The following FANCC variants were observed in gnomAD, a reference collection of about 807,000 sequenced individuals.
FANCC encodes FA complementation group C, also known as Fanconi anemia group C protein.
In FANCC, 55 loss-of-function variants were observed where a neutral mutation model predicts 71.3. That is an observed-to-expected ratio of 0.77 (90% CI 0.62 to 0.97). The LOEUF (loss-of-function observed/expected upper bound fraction) is 0.97. Ranked by LOEUF, FANCC falls within the 50% of genes least tolerant of loss-of-function variation. The probability of loss-of-function intolerance (pLI) is 0.00; values close to 1 mark genes in which losing one functional copy is unlikely to be tolerated. For missense variants in FANCC, 678 were observed against 670.9 expected, an observed-to-expected ratio of 1.01 and a Z score of -0.12; for synonymous variants, 275 against 244.9, an observed-to-expected ratio of 1.12 and a Z score of -1.15.
At chr9:95,189,967 T>C (rs1035959282) in intron 4 of FANCC, among the ~76,000 whole-genome samples, 5 of 152,192 alleles carry the variant, frequency 3.3e-5, no homozygotes, top group Non-Finnish European at 7.4e-5. Context: ...CACAATCTTC[T>C]TATGCATCCT....
chr9:95,135,355 A>G lies in FANCC; in HGVS notation c.834T>C (p.Asp278=), dbSNP rs1259273920. 1 of 1,614,022 alleles carries G rather than the reference A, an allele frequency of 6.2e-7. No individual in the cohort carries two copies. The highest frequency in any genetic ancestry group is 8.5e-7 in the Non-Finnish European group (1 of 1,179,990). The change falls in exon 8 of 15, where the codon GAT becomes GAC. Residue 278 remains aspartate, a synonymous_variant. Coordinates refer to ENST00000289081, the MANE Select transcript of FANCC (RefSeq NM_000136.3). ...AAAACCCAGTACGTACCAGCGATGA[A>G]TCTTTTATAAAGCATTCGATCCTTC... The part of the protein sequence containing the change: ...CLRRIECFIK[D]SSLPQAACHP...
intron 1 of FANCC, among the ~76,000 whole-genome samples, chr9:95,285,962 A>C (rs1176993008): frequency 2.6e-5 from 4 of 152,242 alleles, no homozygotes; most frequent in Non-Finnish European, 5.9e-5. Flanking sequence ...GCAATGAATT[A>C]TATAATTTGT....
chr9:95,129,872 T>C (rs1482826659), intron 8 of FANCC, among the ~76,000 whole-genome samples: 1 of 152,162 alleles, frequency 6.6e-6, no homozygotes, highest in African/African-American at 2.4e-5. Flanking sequence ...TAGACCCGAT[T>C]GTTCTGCTGG....
rs1344246049 is a variant in FANCC at position 95,099,730 on chromosome 9, C to T, written c.*1977G>A. The T allele has an allele frequency of 3.4e-5, 8 of 232,366 alleles. No homozygotes were observed. Among genetic ancestry groups the T allele is most frequent in the African/African-American group, 1.3e-4 (6 of 45,294 alleles). 14.4% of individuals were successfully genotyped at this position (232,366 alleles called of 1,614,324 possible). A position where few individuals can be genotyped will look rare whatever the true frequency, so the allele number is the denominator to read the frequency against. ...CCCCTGGCTGCCCAGAAAGCACCAC[C>T]GGCAAGGCCGCCTCCACCGCACCCG... On this transcript the variant is annotated 3_prime_UTR_variant, in exon 15 of 15. Transcript: ENST00000289081.
intron 6 of FANCC, among the ~76,000 whole-genome samples, chr9:95,165,547 A>G (rs765739639): frequency 2.0e-4 from 31 of 151,774 alleles, no homozygotes; most frequent in Non-Finnish European, 4.3e-4. Flanking sequence ...TCTTTGACTC[A>G]CTGGTTGTTT....
intron 1 of FANCC, among the ~76,000 whole-genome samples, chr9:95,252,286 A>G (rs1309098612): frequency 6.7e-6 from 1 of 149,232 alleles, no homozygotes; most frequent in East Asian, 1.9e-4. Flanking sequence ...AAAAAAAAAA[A>G]AAAAAAAAGA....
chr9:95,210,730 T>C (rs576222872), intron 4 of FANCC, among the ~76,000 whole-genome samples: 9 of 152,298 alleles, frequency 5.9e-5, no homozygotes, highest in Admixed American at 4.6e-4. Flanking sequence ...ATTCCAAAAT[T>C]CAGTCTCAAT....
At position 95,101,310 on chromosome 9, in the gene FANCC, C is replaced by T. The variant is rs2071065141; in HGVS notation, c.*397G>A. 1 of 337,764 alleles carries T rather than the reference C, an allele frequency of 3.0e-6. No individual in the cohort carries two copies. The highest frequency in any genetic ancestry group is 5.5e-6 in the Non-Finnish European group (1 of 180,556). The allele number at this position is 337,764 out of a possible 1,614,324, so 20.9% of individuals were successfully genotyped here. A position where few individuals can be genotyped will look rare whatever the true frequency, so the allele number is the denominator to read the frequency against. On this transcript the variant is annotated 3_prime_UTR_variant, in exon 15 of 15. Transcript: ENST00000289081. ...AAAAGAGCTAAGTTCTCTCTAAATT[C>T]TTTAATGGTTCATGACCAAATTCTT...
intron 8 of FANCC, among the ~76,000 whole-genome samples, chr9:95,128,492 C>T (rs1826356745): frequency 6.6e-6 from 1 of 152,172 alleles, no homozygotes; most frequent in Non-Finnish European, 1.5e-5. Flanking sequence ...AGGTTTGATG[C>T]TAGTAGAGAA....
At chr9:95,171,916 G>A (rs1825703861) in intron 5 of FANCC, 121 bp downstream of exon 5, 1 of 713,022 alleles carries the variant, frequency 1.4e-6, no homozygotes, top group Admixed American at 2.1e-5. Flanking sequence ...AAGGTAAGAA[G>A]AGATAAACAA....
intron 8 of FANCC, among the ~76,000 whole-genome samples, chr9:95,130,314 G>A: frequency 6.6e-6 from 1 of 152,100 alleles, no homozygotes; most frequent in African/African-American, 2.4e-5. Flanking sequence ...GAGAGAGAGA[G>A]AGAGAGAGAA....
At chr9:95,279,274 C>T (rs755813533) in intron 1 of FANCC, among the ~76,000 whole-genome samples, 1 of 151,524 alleles carries the variant, frequency 6.6e-6, no homozygotes, top group Non-Finnish European at 1.5e-5. Flanking sequence ...GCCGAGCTCA[C>T]ACCACTGCAC....
intron 4 of FANCC, among the ~76,000 whole-genome samples, chr9:95,210,723 C>T (rs1026418462): frequency 6.6e-6 from 1 of 152,072 alleles, no homozygotes; most frequent in Non-Finnish European, 1.5e-5. Flanking sequence ...CATAGCCATT[C>T]CAAAATTCAG....
chr9:95,288,818 G>A (rs1224591454), intron 1 of FANCC, among the ~76,000 whole-genome samples: 1 of 151,436 alleles, frequency 6.6e-6, no homozygotes, highest in Non-Finnish European at 1.5e-5. Flanking sequence ...TTTCAGACCA[G>A]GCTTGGTAGT....
chr9:95,212,735 A>G (rs2135884268), intron 4 of FANCC, among the ~76,000 whole-genome samples: 1 of 152,348 alleles, frequency 6.6e-6, no homozygotes, highest in South Asian at 2.1e-4. Context: ...TTAAAACAGT[A>G]ATTTTGTTTA....
intron 1 of FANCC, among the ~76,000 whole-genome samples, chr9:95,316,632 C>T (rs1367764685): frequency 2.0e-5 from 3 of 152,136 alleles, no homozygotes; most frequent in Admixed American, 6.5e-5. Flanking sequence ...CAGATTAGAA[C>T]AAAAGTCCAG....
intron 1 of FANCC, among the ~76,000 whole-genome samples, chr9:95,291,498 G>A (rs150239820): frequency 2.6e-5 from 4 of 151,642 alleles, no homozygotes; most frequent in African/African-American, 9.7e-5. Flanking sequence ...CAAAAAAAAA[G>A]AAATAAAATA....
chr9:95,125,859 A>G (rs1825901629), intron 9 of FANCC, among the ~76,000 whole-genome samples: 8 of 151,860 alleles, frequency 5.3e-5, no homozygotes, highest in Admixed American at 5.2e-4. Context: ...GGGCTGGGAC[A>G]CTCCCAGGTG....
chr9:95,135,906 C>T (rs1827615398), intron 7 of FANCC, among the ~76,000 whole-genome samples: 2 of 152,144 alleles, frequency 1.3e-5, no homozygotes, highest in Non-Finnish European at 2.9e-5. Context: ...GGTTTCGGTC[C>T]CAGCGCCACT....
Sources: allele counts gnomAD v4.1 joint callset (sites outside exome capture counted in the v4.1 genomes callset), GRCh38; gene constraint gnomAD v4.1.1; transcripts MANE v1.5; gene names NCBI Gene and HGNC (gene_info 2026-07-23, HGNC 2026-07-21).